Variants in CA10 observed in about 807,000 individuals in gnomAD.
CA10 encodes the protein carbonic anhydrase-related protein 10.
CA10 carries 14 observed loss-of-function variants against 44.2 expected under a neutral mutation model. The observed-to-expected ratio is 0.32, with a 90% CI of 0.21 to 0.50. The LOEUF (loss-of-function observed/expected upper bound fraction) is 0.50. Ranked by LOEUF, CA10 falls within the 20% of genes least tolerant of loss-of-function variation. The probability of loss-of-function intolerance (pLI) is 0.99; values close to 1 mark genes in which losing one functional copy is unlikely to be tolerated. For synonymous variants in CA10, 159 were observed against 141.6 expected, an observed-to-expected ratio of 1.12 and a Z score of -0.87; for missense variants, 350 against 409.7, an observed-to-expected ratio of 0.85 and a Z score of 1.26.
intron 2 of CA10, among the ~76,000 whole-genome samples, chr17:52,066,365 G>C (rs976002219): frequency 2.0e-5 from 3 of 152,208 alleles, no homozygotes; most frequent in Non-Finnish European, 4.4e-5. Flanking sequence ...GGTGGTCTCA[G>C]ATGGTGATAC....
chr17:51,717,825 G>A (rs76198991), intron 4 of CA10, among the ~76,000 whole-genome samples: 4 of 13,048 alleles, frequency 3.1e-4, no homozygotes, highest in Admixed American at 2.6e-3. Flanking sequence ...ATATATATGT[G>A]TGTGTATATA....
chr17:51,783,843 A>G (rs745752063), intron 3 of CA10, among the ~76,000 whole-genome samples: 5 of 152,206 alleles, frequency 3.3e-5, no homozygotes, highest in Non-Finnish European at 7.3e-5. Context: ...ATCCTGGCCC[A>G]GAGAGAGCAG....
At chr17:52,026,392 A>G (rs1986302241) in intron 2 of CA10, among the ~76,000 whole-genome samples, 1 of 152,122 alleles carries the variant, frequency 6.6e-6, no homozygotes, top group South Asian at 2.1e-4. Context: ...AGCATCTACT[A>G]TGTCCCTTTT....
rs1470721020 is a variant in CA10 at position 51,774,436 on chromosome 17, A to C, written c.280-26618T>G. ...GAGGGGTGAGTGGAAACCTTGCTTC[A>C]TTTAAGGTCTTTTTTTTTTTTGAGG... is the stretch of plus-strand genomic sequence containing the variant. On this transcript the variant is annotated intron_variant, in intron 3 of 8. Coordinates refer to ENST00000451037, the MANE Select transcript of CA10 (RefSeq NM_020178.5). 2.1e-5 allele frequency among the ~76,000 whole-genome samples: 3 copies of C among 142,584 alleles called. No homozygotes were observed. In the East Asian group the frequency reaches 6.6e-4, roughly 31 times the overall value. 93.5% of individuals were successfully genotyped at this position (142,584 alleles called of 152,430 possible). A position where few individuals can be genotyped will look rare whatever the true frequency, so the allele number is the denominator to read the frequency against.
At chr17:51,773,258 G>A (rs1459477876) in intron 3 of CA10, among the ~76,000 whole-genome samples, 1 of 152,216 alleles carries the variant, frequency 6.6e-6, no homozygotes, top group African/African-American at 2.4e-5. Flanking sequence ...CCCAACCCTG[G>A]TTATAGAGGA....
rs982862204 is a variant in CA10, at chr17:52,131,086, T to C, written c.61+26640A>G. Among the ~76,000 whole-genome samples the C allele has an allele frequency of 2.6e-5, 4 of 151,762 alleles. No individual in the cohort carries two copies. The South Asian group carries it at 6.2e-4, about 24-fold the overall frequency. On this transcript the variant is annotated intron_variant, in intron 1 of 8. Transcript: ENST00000451037. ...CACAATATTACATATGATAAATATATACTATATTTATTTTTATTTTATTTT... is the reference window on the plus strand; with the variant it reads ...CACAATATTACATATGATAAATATACACTATATTTATTTTTATTTTATTTT...
chr17:51,785,256 C>T (rs188973112), intron 3 of CA10, among the ~76,000 whole-genome samples: 28 of 150,656 alleles, frequency 1.9e-4, no homozygotes, highest in Admixed American at 4.0e-4. Flanking sequence ...GATGTCTCTT[C>T]GATATACTGA....
At chr17:51,689,466 T>G (rs1288738214) in intron 4 of CA10, among the ~76,000 whole-genome samples, 1 of 152,222 alleles carries the variant, frequency 6.6e-6, no homozygotes, top group African/African-American at 2.4e-5. Context: ...GAATATCATT[T>G]GTCATAAATT....
intron 2 of CA10, among the ~76,000 whole-genome samples, chr17:51,950,000 T>C (rs1392152539): frequency 6.6e-6 from 1 of 152,134 alleles, no homozygotes; most frequent in African/African-American, 2.4e-5. Context: ...GTTATACTAA[T>C]TATTAGTACA....
intron 1 of CA10, among the ~76,000 whole-genome samples, chr17:52,132,081 A>G (rs1004227738): frequency 6.6e-6 from 1 of 152,128 alleles, no homozygotes; most frequent in Non-Finnish European, 1.5e-5. Context: ...TAATGGGTAC[A>G]GCACACCAGC....
At chr17:51,952,474 G>T (rs987919454) in intron 2 of CA10, among the ~76,000 whole-genome samples, 32 of 151,982 alleles carry the variant, frequency 2.1e-4, no homozygotes, top group African/African-American at 7.7e-4. Context: ...TTGAGCCCAG[G>T]AGTTCAAGCG....
intron 6 of CA10, among the ~76,000 whole-genome samples, chr17:51,637,154 G>A (rs780514325): frequency 1.3e-5 from 2 of 151,954 alleles, no homozygotes; most frequent in Non-Finnish European, 2.9e-5. Flanking sequence ...GCACGTGATT[G>A]TTCTCTTCTG....
rs1198801175 is a variant in CA10, at chr17:52,125,853, CTG to C, written c.61+31871_61+31872del. ...TTTGGGGGTGACTGATTGAGGGTGA[CTG>C]ATGCTATTGTTTGAGGGTGACTGAT... is the stretch of plus-strand genomic sequence containing the variant. On this transcript the variant is annotated intron_variant, in intron 1 of 8. Coordinates refer to ENST00000451037, the MANE Select transcript of CA10 (RefSeq NM_020178.5). Among the ~76,000 whole-genome samples, 6 of 152,094 alleles carry C rather than the reference CTG, an allele frequency of 3.9e-5. No homozygotes were observed. The East Asian group carries it at 1.2e-3, about 29-fold the overall frequency.
intron 2 of CA10, among the ~76,000 whole-genome samples, chr17:51,942,955 T>C (rs1441295617): frequency 2.0e-5 from 3 of 152,110 alleles, no homozygotes; most frequent in East Asian, 1.9e-4. Flanking sequence ...GATGGATGCA[T>C]GAGAGAGGGC....
chr17:51,858,876 G>A (rs370943378), intron 3 of CA10, among the ~76,000 whole-genome samples: 1 of 152,038 alleles, frequency 6.6e-6, no homozygotes, highest in Non-Finnish European at 1.5e-5. Flanking sequence ...GAGGGACTAA[G>A]CTTGAATCCT....
At position 51,752,057 on chromosome 17, in the gene CA10, CTA is replaced by C. The variant is rs1399484518; in HGVS notation, c.280-4241_280-4240del. Among the ~76,000 whole-genome samples the C allele has an allele frequency of 2.0e-5, 3 of 152,160 alleles. No individual in the cohort carries two copies. The South Asian group carries it at 6.2e-4, about 32-fold the overall frequency. The stretch of plus-strand genomic sequence containing the variant: ...GCAATCCATAACTGCTATCATTTTC[CTA>C]TGTGTTCTTACAACGAGATGCAACA... On this transcript the variant is annotated intron_variant, in intron 3 of 8. Transcript: ENST00000451037.
intron 2 of CA10, among the ~76,000 whole-genome samples, chr17:51,996,305 T>G (rs895637483): frequency 6.7e-6 from 1 of 148,578 alleles, no homozygotes; most frequent in African/African-American, 2.5e-5. Context: ...CTTTTTATAT[T>G]AAATGGTGTT....
chr17:51,852,001 A>G lies in CA10; in HGVS notation c.279+78989T>C, dbSNP rs543304576. Among the ~76,000 whole-genome samples, 3 of 152,322 alleles carry G rather than the reference A, an allele frequency of 2.0e-5. No homozygotes were observed. In the East Asian group the frequency reaches 5.8e-4, roughly 29 times the overall value. On this transcript the variant is annotated intron_variant, in intron 3 of 8. Transcript: ENST00000451037. ...TGTTAGCCAGAAGTCCACACATAAT[A>G]AAGACTTCTAGTTGAAAGGGCTTAA...
At position 51,635,873 on chromosome 17, in the gene CA10, G is replaced by T; in HGVS notation, c.771C>A (p.Val257=). The T allele has an allele frequency of 6.3e-7, 1 of 1,599,520 alleles. No homozygotes were observed. The highest frequency in any genetic ancestry group is 8.5e-7 in the Non-Finnish European group (1 of 1,171,568). ...AACTCACCTGCATCCTGGTTATATA[G>T]ACAGGTTTGTTCATTATGATCCAAC... ...TASWIIMNKP[V]YITRMQMHSL... The change falls in exon 7 of 9, where the codon GTC becomes GTA. Residue 257 remains valine, a synonymous_variant. Transcript: ENST00000451037.
Sources: allele counts gnomAD v4.1 joint callset (sites outside exome capture counted in the v4.1 genomes callset), GRCh38; gene constraint gnomAD v4.1.1; transcripts MANE v1.5; gene names NCBI Gene and HGNC (gene_info 2026-07-23, HGNC 2026-07-21).